The following RBM27 variants were observed in gnomAD, a reference collection of about 807,000 sequenced individuals.
The protein encoded by RBM27 is RNA-binding protein 27.
A neutral mutation model predicts 135.3 loss-of-function variants in RBM27; 22 were observed. The ratio of observed to expected loss-of-function variants is 0.16; its 90% CI spans 0.12 to 0.23. The LOEUF (loss-of-function observed/expected upper bound fraction) is 0.23, where lower values mean the gene tolerates loss of function less well. Among genes scored for constraint, RBM27 ranks in the 10% least tolerant of loss-of-function variants. The pLI, the probability that RBM27 is intolerant of heterozygous loss-of-function variation, is 1.00. For synonymous variants in RBM27, 481 were observed against 442.4 expected (o/e 1.09, Z -1.10); for missense variants, 1,009 against 1,281.0 (o/e 0.79, Z 3.24).
rs577576687 is a variant in RBM27 at position 146,256,515 on chromosome 5, T to A, written c.1594+1423T>A. ...CAGGTGTGCACCACCACAACCCTGC[T>A]AATTTTTGTATTTTTAGTAGAGACG... On this transcript the variant is annotated intron_variant, in intron 10 of 20. Coordinates refer to ENST00000265271, the MANE Select transcript of RBM27 (RefSeq NM_018989.2). Among the ~76,000 whole-genome samples, 518 of 151,650 alleles carry A rather than the reference T, an allele frequency of 3.4e-3. 2 individuals carry two copies. Among genetic ancestry groups the A allele is most frequent in the Admixed American group, 6.6e-3 (100 of 15,210 alleles).
chr5:146,252,265 G>T (rs969975019), intron 9 of RBM27, among the ~76,000 whole-genome samples: 1 of 152,114 alleles, frequency 6.6e-6, no homozygotes, highest in African/African-American at 2.4e-5. Context: ...GTTTCTTGCC[G>T]ATCATATCCT....
rs747825063 is a variant in RBM27, at chr5:146,229,846, C to A, written c.525C>A (p.Gly175=). Reference sequence around the variant, plus strand: ...GTAAGAGTCGGAGTAAGAGTCGAGGCCTGAGTCGCAGTAGAAGCCGAAGTA... The same window carrying A: ...GTAAGAGTCGGAGTAAGAGTCGAGGACTGAGTCGCAGTAGAAGCCGAAGTA... The part of the protein sequence containing the change: ...GRSKSRSKSR[G]LSRSRSRSRG... Residue 175 remains glycine (G), a synonymous_variant, in exon 5 of 21, where the codon GGC becomes GGA. Coordinates refer to ENST00000265271, the MANE Select transcript of RBM27 (RefSeq NM_018989.2). 1 of 1,613,902 alleles carries A rather than the reference C, an allele frequency of 6.2e-7. No homozygotes were observed. The highest frequency in any genetic ancestry group is 2.2e-5 in the East Asian group (1 of 44,880).
At chr5:146,221,254 T>A (rs571878474) in intron 2 of RBM27, among the ~76,000 whole-genome samples, 76 of 151,502 alleles carry the variant, frequency 5.0e-4, no homozygotes, top group South Asian at 4.8e-3. Flanking sequence ...GATAAGAAAA[T>A]AAGTAACCAT....
intron 11 of RBM27, among the ~76,000 whole-genome samples, chr5:146,259,368 G>T (rs1330745711): frequency 6.6e-6 from 1 of 151,872 alleles, no homozygotes; most frequent in Non-Finnish European, 1.5e-5. Context: ...GCCAGGTGTG[G>T]TGGCACGCGC....
rs555353355 is a variant in RBM27 at position 146,254,561 on chromosome 5, A to T, written c.1445-382A>T. Among the ~76,000 whole-genome samples, 894 of 152,128 alleles carry T rather than the reference A, an allele frequency of 5.9e-3. 8 individuals carry two copies. The highest frequency in any genetic ancestry group is 0.02 in the African/African-American group (841 of 41,418). ...TACAGATCAAAAATATTCAGGAAAA[A>T]AATAAAAATAAAAAAAAACCAGTAC... On this transcript the variant is annotated intron_variant, in intron 9 of 20. Transcript: ENST00000265271.
Position 146,203,618 on chromosome 5 carries a change from C to T in RBM27, c.-148C>T, listed in dbSNP as rs1300392581. ...GGCTCTTGGGTTAGTTCCTGTTAGGCCCCGGCCGGGGGAGTAGGTTGAAGT... is the reference window on the plus strand; with the variant it reads ...GGCTCTTGGGTTAGTTCCTGTTAGGTCCCGGCCGGGGGAGTAGGTTGAAGT... On this transcript the variant is annotated 5_prime_UTR_variant, in exon 1 of 21. Coordinates refer to ENST00000265271, the MANE Select transcript of RBM27 (RefSeq NM_018989.2). The T allele has an allele frequency of 1.1e-5, 8 of 698,782 alleles. No individual in the cohort carries two copies. The East Asian group carries it at 2.0e-4, about 17-fold the overall frequency. 43.3% of individuals were successfully genotyped at this position (698,782 alleles called of 1,614,324 possible).
chr5:146,250,722 T>G (rs1024551129), intron 8 of RBM27, among the ~76,000 whole-genome samples: 1 of 151,396 alleles, frequency 6.6e-6, no homozygotes, highest in Non-Finnish European at 1.5e-5. Context: ...CAGGATAATT[T>G]CATGTGTCCA....
At chr5:146,274,922 A>C (rs536354530) in intron 19 of RBM27, among the ~76,000 whole-genome samples, 48 of 151,882 alleles carry the variant, frequency 3.2e-4, no homozygotes, top group African/African-American at 1.2e-3. Flanking sequence ...TCTCCTTTAC[A>C]TTGTCTTCTC....
chr5:146,244,898 G>A (rs963053272), intron 8 of RBM27, among the ~76,000 whole-genome samples: 2 of 151,812 alleles, frequency 1.3e-5, no homozygotes, highest in African/African-American at 4.8e-5. Context: ...TTTAGAAATA[G>A]GGTCTTGCTC....
chr5:146,219,303 C>T (rs1380817003), intron 2 of RBM27, among the ~76,000 whole-genome samples, 200 bp downstream of exon 2: 4 of 151,974 alleles, frequency 2.6e-5, no homozygotes, highest in Admixed American at 2.0e-4. Context: ...TGCTGCTTTC[C>T]TCTATTGAGG....
At chr5:146,263,364 G>A in intron 13 of RBM27, 127 bp from the exon 14 acceptor site, 1 of 853,316 alleles carries the variant, frequency 1.2e-6, no homozygotes, top group Non-Finnish European at 1.8e-6. Flanking sequence ...AAACCTTACG[G>A]ATAATTGAAG....
chr5:146,231,024 T>A (rs1026313351), intron 6 of RBM27, 107 bp downstream of exon 6: 15 of 1,270,320 alleles, frequency 1.2e-5, no homozygotes, highest in African/African-American at 1.5e-5. Context: ...TTATTTTATC[T>A]TATTTTATTT....
intron 8 of RBM27, among the ~76,000 whole-genome samples, chr5:146,238,918 A>T (rs1757284331): frequency 6.6e-6 from 1 of 152,174 alleles, no homozygotes; most frequent in Non-Finnish European, 1.5e-5. Flanking sequence ...ATATTACCTC[A>T]TTAAGGTTGT....
At position 146,230,661 on chromosome 5, in the gene RBM27, C is replaced by G; in HGVS notation, c.594C>G (p.His198Gln). ...KDRDPNRNVE[H>Q]RERSKFKSER... ...TTTAATTTTGTCTCCAAGTAGAGCA[C>G]AGGGAAAGATCGAAGTTTAAGAGTG... Residue 198 changes from histidine (H) to glutamine (Q), a missense_variant, in exon 6 of 21, where the codon CAC (histidine) becomes CAG (glutamine). Physicochemically the swap from His to Gln is conservative, Grantham distance 24 (BLOSUM62 0). This residue lies in a region of RBM27 where 268 missense variants were observed against 326.6 expected (regional missense o/e 0.82). Transcript: ENST00000265271. The G allele has an allele frequency of 6.2e-7, 1 of 1,613,880 alleles. No homozygotes were observed. Among genetic ancestry groups the G allele is most frequent in the Non-Finnish European group, 8.5e-7 (1 of 1,179,844 alleles).
intron 2 of RBM27, 144 bp from the exon 3 acceptor site, chr5:146,223,259 G>A: frequency 2.0e-6 from 1 of 511,498 alleles, no homozygotes; most frequent in Non-Finnish European, 3.2e-6. Context: ...CTGAAAGTGG[G>A]ATTCTCTTCC....
intron 3 of RBM27, among the ~76,000 whole-genome samples, chr5:146,223,913 T>C (rs1756561499): frequency 6.6e-6 from 1 of 152,210 alleles, no homozygotes. Context: ...TTTGATTATA[T>C]AGAGTTTTAA....
intron 1 of RBM27, among the ~76,000 whole-genome samples, chr5:146,218,521 C>T (rs141896006): frequency 3.3e-5 from 5 of 152,136 alleles, no homozygotes; most frequent in African/African-American, 9.7e-5. Flanking sequence ...GGGCTGATAG[C>T]CATTTTTAGA....
At chr5:146,257,672 A>G (rs1403763999) in intron 10 of RBM27, among the ~76,000 whole-genome samples, 1 of 152,218 alleles carries the variant, frequency 6.6e-6, no homozygotes, top group East Asian at 1.9e-4. Flanking sequence ...TAAAACCATA[A>G]TTCCATAATA....
chr5:146,232,012 G>A (rs966506869), intron 6 of RBM27, among the ~76,000 whole-genome samples: 1 of 152,020 alleles, frequency 6.6e-6, no homozygotes, highest in Non-Finnish European at 1.5e-5. Context: ...TGAATGAATC[G>A]GTATGTGTGT....
Sources: allele counts gnomAD v4.1 joint callset (sites outside exome capture counted in the v4.1 genomes callset), GRCh38; gene constraint gnomAD v4.1.1; regional missense constraint gnomAD v4.1.1; transcripts MANE v1.5; gene names NCBI Gene and HGNC (gene_info 2026-07-23, HGNC 2026-07-21).